ANKRD36C: variants seen among roughly 807,000 people sequenced by gnomAD.
ANKRD36C encodes the protein ankyrin repeat domain 36C.
ANKRD36C carries 61 observed loss-of-function variants against 276.4 expected under a neutral mutation model. The ratio of observed to expected loss-of-function variants is 0.22; its 90% CI spans 0.18 to 0.27. ANKRD36C has a LOEUF of 0.27. Ranked by LOEUF, ANKRD36C falls within the 10% of genes least tolerant of loss-of-function variation. The probability of loss-of-function intolerance (pLI) is 1.00; values close to 1 mark genes in which losing one functional copy is unlikely to be tolerated. For missense variants in ANKRD36C, 1,447 were observed against 2,032.3 expected, an observed-to-expected ratio of 0.71 and a Z score of 5.54; for synonymous variants, 483 against 680.1, an observed-to-expected ratio of 0.71 and a Z score of 4.51.
At chr2:95,970,833 T>C (rs1678682805) in intron 6 of ANKRD36C, among the ~76,000 whole-genome samples, 1 of 152,170 alleles carries the variant, frequency 6.6e-6, no homozygotes, top group Non-Finnish European at 1.5e-5. Flanking sequence ...CCTCTTGAGA[T>C]TGTCCCTTTC....
At chr2:95,862,260 TA>T (rs1389673569) in intron 60 of ANKRD36C, among the ~76,000 whole-genome samples, 1 of 152,020 alleles carries the variant, frequency 6.6e-6, no homozygotes, top group Non-Finnish European at 1.5e-5. Flanking sequence ...CTTACCAAAA[TA>T]GACCATATTT....
intron 58 of ANKRD36C, among the ~76,000 whole-genome samples, chr2:95,879,047 T>C (rs1676016593): frequency 6.6e-6 from 1 of 152,198 alleles, no homozygotes; most frequent in Non-Finnish European, 1.5e-5. Context: ...TAGCCATAAT[T>C]TGGAATCAAT....
chr2:95,870,541 T>A (rs1675783286), intron 59 of ANKRD36C, among the ~76,000 whole-genome samples: 1 of 151,916 alleles, frequency 6.6e-6, no homozygotes. Flanking sequence ...AGACCAAAAG[T>A]AGATAAAACC....
intron 48 of ANKRD36C, among the ~76,000 whole-genome samples, chr2:95,888,432 A>G (rs1676253753): frequency 6.6e-6 from 1 of 151,736 alleles, no homozygotes; most frequent in Non-Finnish European, 1.5e-5. Flanking sequence ...AAATCAGAGG[A>G]GCAACTCATA....
chr2:95,989,012 T>C (rs1332148033), intron 1 of ANKRD36C, among the ~76,000 whole-genome samples: 1 of 152,050 alleles, frequency 6.6e-6, no homozygotes, highest in African/African-American at 2.4e-5. Flanking sequence ...TACTAAAATA[T>C]ACAAAAATTA....
intron 40 of ANKRD36C, 73 bp from the exon 43 acceptor site, chr2:95,912,508 T>C (rs1473678846): frequency 2.4e-5 from 39 of 1,595,586 alleles, no homozygotes; most frequent in Non-Finnish European, 3.1e-5. Context: ...CGCACAGTGT[T>C]AGCATCAACC....
At chr2:95,924,817 T>C (rs1023040930) in intron 30 of ANKRD36C, among the ~76,000 whole-genome samples, 3 of 151,662 alleles carry the variant, frequency 2.0e-5, no homozygotes, top group Non-Finnish European at 4.4e-5. Flanking sequence ...GTGAGTTCAC[T>C]CAGGTTTCCT....
At position 95,946,508 on chromosome 2, in the gene ANKRD36C, C is replaced by T. The variant is rs559637170; in HGVS notation, c.1363-1334G>A. On this transcript the variant is annotated intron_variant, in intron 17 of 66. Transcript: ENST00000456556. ...TGTGGAAGTCAGTGTGGCGATTCCT[C>T]AGGGATCTAGAACTGGAAATACCAT... is the stretch of plus-strand genomic sequence containing the variant. Among the ~76,000 whole-genome samples the T allele has an allele frequency of 7.0e-5, 10 of 143,662 alleles. No homozygotes were observed. The South Asian group carries it at 9.5e-4, about 14-fold the overall frequency. The allele number at this position is 143,662 out of a possible 152,430, so 94.2% of individuals were successfully genotyped here. A position where few individuals can be genotyped will look rare whatever the true frequency, so the allele number is the denominator to read the frequency against.
At chr2:95,927,181 G>A (rs1677426758) in intron 28 of ANKRD36C, 33 bp downstream of exon 28, 1 of 1,606,988 alleles carries the variant, frequency 6.2e-7, no homozygotes, top group East Asian at 2.2e-5. Flanking sequence ...TATCTTGACT[G>A]AACATGACAT....
intron 59 of ANKRD36C, among the ~76,000 whole-genome samples, chr2:95,874,855 A>G (rs1397237800): frequency 1.3e-5 from 2 of 152,274 alleles, no homozygotes; most frequent in African/African-American, 4.8e-5. Flanking sequence ...CAACCCCATC[A>G]AAAAGTGGGC....
chr2:95,893,639 A>G lies in ANKRD36C; in HGVS notation c.2756-1779T>C, dbSNP rs771481261. The G allele has an allele frequency of 8.8e-6, 14 of 1,590,734 alleles. No homozygotes were observed. In the South Asian group the frequency reaches 1.2e-4, roughly 14 times the overall value. On this transcript the variant is annotated intron_variant, in intron 44 of 66. Coordinates refer to ENST00000456556, the Ensembl canonical transcript of ANKRD36C. ...AATTTGAAATGAAATAATAAATAAA[A>G]TATGTTTCATAGACCATACATTAAC...
intron 52 of ANKRD36C, among the ~76,000 whole-genome samples, chr2:95,884,872 A>G (rs1012355743): frequency 2.8e-5 from 4 of 144,668 alleles, no homozygotes; most frequent in African/African-American, 5.8e-5. Flanking sequence ...ACGTCTCTTC[A>G]GTGGAAGAGT....
intron 3 of ANKRD36C, among the ~76,000 whole-genome samples, chr2:95,982,832 C>T (rs988318907): frequency 1.6e-5 from 2 of 124,460 alleles, no homozygotes; most frequent in African/African-American, 6.2e-5. Flanking sequence ...AGGATATTTA[C>T]TTTACCAGAA....
chr2:95,876,147 T>C (rs924300556), intron 59 of ANKRD36C, among the ~76,000 whole-genome samples: 4 of 151,404 alleles, frequency 2.6e-5, no homozygotes, highest in African/African-American at 4.8e-5. Context: ...TGTAATTCAA[T>C]ATTTGATGTT....
intron 30 of ANKRD36C, among the ~76,000 whole-genome samples, chr2:95,925,055 A>T (rs1677366755): frequency 6.6e-6 from 1 of 151,614 alleles, no homozygotes; most frequent in African/African-American, 2.4e-5. Context: ...CTCCATAGAA[A>T]CATGCTCTGA....
intron 1 of ANKRD36C, among the ~76,000 whole-genome samples, chr2:95,990,852 C>T (rs978483558): frequency 2.0e-5 from 3 of 152,090 alleles, no homozygotes; most frequent in African/African-American, 7.2e-5. Flanking sequence ...ATGCACCTTT[C>T]CATAATGTAT....
intron 54 of ANKRD36C, among the ~76,000 whole-genome samples, chr2:95,883,058 A>G (rs1369590480): frequency 1.3e-5 from 2 of 152,112 alleles, no homozygotes; most frequent in African/African-American, 4.8e-5. Flanking sequence ...AATCCTGTAT[A>G]CAATATTCTT....
intron 16 of ANKRD36C, among the ~76,000 whole-genome samples, chr2:95,949,801 G>T (rs1678149363): frequency 1.3e-5 from 2 of 151,980 alleles, no homozygotes; most frequent in Admixed American, 1.3e-4. Flanking sequence ...AAGATATTTT[G>T]TTTAGTCTCT....
chr2:95,960,474 T>C (rs1489239444), exon 10 of ANKRD36C: 22 of 1,539,284 alleles, frequency 1.4e-5, no homozygotes, highest in African/African-American at 2.7e-5. Flanking sequence ...CAAAATTACC[T>C]GTCCCAGATT....
Sources: gnomAD v4.1 joint callset for allele counts (sites outside exome capture counted in the v4.1 genomes callset) on GRCh38, gnomAD v4.1.1 for gene constraint, MANE v1.5 for transcripts, NCBI Gene and HGNC (gene_info 2026-07-23, HGNC 2026-07-21) for gene names.